Variants in HEATR4 observed in about 807,000 individuals in gnomAD.
The protein encoded by HEATR4 is HEAT repeat-containing protein 4.
A neutral mutation model predicts 108.8 loss-of-function variants in HEATR4; 95 were observed. That is an observed-to-expected ratio of 0.87 (90% CI 0.74 to 1.04). The LOEUF (loss-of-function observed/expected upper bound fraction) is 1.04. Ranked by LOEUF, HEATR4 falls within the 50% of genes least tolerant of loss-of-function variation. The probability of loss-of-function intolerance (pLI) is 0.00; values close to 1 mark genes in which losing one functional copy is unlikely to be tolerated. For synonymous variants in HEATR4, 443 were observed against 459.4 expected (o/e 0.96, Z 0.46); for missense variants, 1,152 against 1,253.8 (o/e 0.92, Z 1.23).
chr14:73,596,805 G>T, the HEATR4 span, among the ~76,000 whole-genome samples: 3 of 152,004 alleles, frequency 2.0e-5, no homozygotes, highest in African/African-American at 7.2e-5. Context: ...CACTATGTTG[G>T]CCAGGCTGGT....
the HEATR4 span, among the ~76,000 whole-genome samples, chr14:73,564,551 A>G: frequency 1.3e-5 from 2 of 151,844 alleles, no homozygotes; most frequent in Non-Finnish European, 2.9e-5. Context: ...GGCTGCAGTG[A>G]GCTATGATCA....
chr14:73,535,694 T>G (rs1160280531), intron 1 of HEATR4, among the ~76,000 whole-genome samples: 1 of 111,776 alleles, frequency 8.9e-6, no homozygotes, highest in Non-Finnish European at 1.9e-5. Context: ...TTAGCCAGGA[T>G]GGTGTCGATC....
In HEATR4 at chr14:73,515,334, A is replaced by G. The variant is rs571659633; in HGVS notation, c.1211-1100T>C. Among the ~76,000 whole-genome samples, 4 of 152,300 alleles carry G rather than the reference A, an allele frequency of 2.6e-5. No individual in the cohort carries two copies. The East Asian group carries it at 5.8e-4, about 22-fold the overall frequency. On this transcript the variant is annotated intron_variant, in intron 5 of 17. Coordinates refer to ENST00000553558, the MANE Select transcript of HEATR4 (RefSeq NM_001220484.1). ...ACACCTTTAGATTTGCTCTGAATCA[A>G]TTCTTTCCTTTGAGCAAGGAAGACA...
chr14:73,577,099 A>AT, the HEATR4 span, among the ~76,000 whole-genome samples: 2 of 151,384 alleles, frequency 1.3e-5, no homozygotes, highest in Admixed American at 6.6e-5. Context: ...TGCCTGGCTA[A>AT]TTTTTAATTT....
the HEATR4 span, among the ~76,000 whole-genome samples, chr14:73,630,970 T>C: frequency 6.6e-6 from 1 of 152,170 alleles, no homozygotes; most frequent in Non-Finnish European, 1.5e-5. Flanking sequence ...GTCCTTGCTT[T>C]TCAGAGAAAA....
chr14:73,604,745 C>A, the HEATR4 span, among the ~76,000 whole-genome samples: 1 of 152,108 alleles, frequency 6.6e-6, no homozygotes, highest in Non-Finnish European at 1.5e-5. Context: ...GCCTTGGCCT[C>A]CCAAGTGCTG....
intron 17 of HEATR4, chr14:73,491,144 C>CT (rs925029736): frequency 6.2e-7 from 1 of 1,607,826 alleles, no homozygotes; most frequent in African/African-American, 1.3e-5. Flanking sequence ...ACGAAAGCAG[C>CT]TGCGAAGTGT....
intron 17 of HEATR4, among the ~76,000 whole-genome samples, chr14:73,489,622 A>G (rs1485090210): frequency 6.6e-6 from 1 of 152,184 alleles, no homozygotes; most frequent in Non-Finnish European, 1.5e-5. Flanking sequence ...TGTACAAAGC[A>G]ATTAGTTGCA....
intron 1 of HEATR4, among the ~76,000 whole-genome samples, chr14:73,553,028 T>C (rs1196295119): frequency 8.7e-6 from 1 of 114,902 alleles, no homozygotes; most frequent in African/African-American, 2.8e-5. Context: ...CTGGCCACCT[T>C]GTCTCGCTCA....
chr14:73,491,032 G>A (rs746960217), intron 17 of HEATR4: 6 of 1,559,992 alleles, frequency 3.8e-6, no homozygotes, highest in East Asian at 4.8e-5. Context: ...ATGGGCTCCA[G>A]GCCAGTGCAG....
chr14:73,618,019 T>C, the HEATR4 span, among the ~76,000 whole-genome samples: 2 of 151,954 alleles, frequency 1.3e-5, no homozygotes, highest in African/African-American at 4.8e-5. Context: ...GGTGCACACC[T>C]GTAATCCCAG....
the HEATR4 span, among the ~76,000 whole-genome samples, chr14:73,591,122 C>T: frequency 6.6e-5 from 10 of 151,908 alleles, no homozygotes; most frequent in African/African-American, 2.4e-4. Flanking sequence ...GGTGCGCTGT[C>T]TGTAGTCACA....
chr14:73,559,773 A>G (rs1341474138), upstream of HEATR4, among the ~76,000 whole-genome samples: 1 of 152,002 alleles, frequency 6.6e-6, no homozygotes, highest in Non-Finnish European at 1.5e-5. Flanking sequence ...CCCTCTAGAT[A>G]TATGCAGCTC....
chr14:73,570,677 G>T, the HEATR4 span, among the ~76,000 whole-genome samples: 3 of 152,100 alleles, frequency 2.0e-5, no homozygotes, highest in South Asian at 6.2e-4. Context: ...GGCCGAGGCC[G>T]GCGGATCACC....
In HEATR4 at chr14:73,502,940, G is replaced by C. The variant is rs1323804503; in HGVS notation, c.2060C>G (p.Ala687Gly). The change falls in exon 11 of 18, where the codon GCG becomes GGG. Residue 687 changes from alanine (A) to glycine (G), a missense_variant. Transcript: ENST00000553558. ...TTTCCCGAGGCTCATTTGCCCAAGC[G>C]CCTGTGCAGCTGCTCTCCTCACTTC... ...NKEVRRAAAQ[A>G]LGQMSLGKEV... 1.2e-6 allele frequency: 2 copies of C among 1,613,974 alleles called. No homozygotes were observed. Among genetic ancestry groups the C allele is most frequent in the South Asian group, 2.2e-5 (2 of 91,070 alleles).
At chr14:73,593,596 G>A in the HEATR4 span, 2 of 1,058,504 alleles carry the variant, frequency 1.9e-6, no homozygotes, top group East Asian at 4.9e-5. Context: ...TCCTGCCTTG[G>A]CCTCCTAAAG....
chr14:73,573,724 C>T, the HEATR4 span: 35 of 1,088,202 alleles, frequency 3.2e-5, no homozygotes, highest in South Asian at 4.8e-4. Context: ...TTAGTCACTT[C>T]TTATAGACAG....
At chr14:73,599,985 G>C in the HEATR4 span, among the ~76,000 whole-genome samples, 14,888 of 152,172 alleles carry the variant, frequency 0.098, 1,037 homozygotes, top group Admixed American at 0.16. Context: ...ATCAGATCCA[G>C]GTATAGATGA....
In HEATR4 at chr14:73,493,093, C is replaced by G; in HGVS notation, c.2817G>C (p.Glu939Asp). 2 of 1,611,246 alleles carry G rather than the reference C, an allele frequency of 1.2e-6. No individual in the cohort carries two copies. The highest frequency in any genetic ancestry group is 1.1e-5 in the South Asian group (1 of 90,966). Residue 939 changes from glutamate (E) to aspartate (D), a missense_variant, in exon 17 of 18, where the codon GAG becomes GAC. Glu to Asp is a conservative substitution (Grantham distance 45, BLOSUM62 2). Transcript: ENST00000553558. ...TTATCACTGCTTCAGTGTCACAAAC[C>G]TCGGAAGGTCTTCTAGGAAGAACCA... Reference protein sequence around the residue: ...DEMVLPRRPSEVCDTEAVIKP... With the variant: ...DEMVLPRRPSDVCDTEAVIKP...
Sources: gnomAD v4.1 joint callset for allele counts (sites outside exome capture counted in the v4.1 genomes callset) on GRCh38, gnomAD v4.1.1 for gene constraint, MANE v1.5 for transcripts, NCBI Gene and HGNC (gene_info 2026-07-23, HGNC 2026-07-21) for gene names.